ME3: variants seen among roughly 807,000 people sequenced by gnomAD.
The protein encoded by ME3 is malic enzyme 3.
A neutral mutation model predicts 68.9 loss-of-function variants in ME3; 48 were observed. The observed-to-expected ratio is 0.70, with a 90% CI of 0.55 to 0.89. The LOEUF (loss-of-function observed/expected upper bound fraction) is 0.89. Among genes scored for constraint, ME3 ranks in the 40% least tolerant of loss-of-function variants. The probability of loss-of-function intolerance (pLI) is 0.00; values close to 1 mark genes in which losing one functional copy is unlikely to be tolerated. For missense variants in ME3, 675 were observed against 797.4 expected (o/e 0.85, Z 1.85); for synonymous variants, 320 against 318.8 (o/e 1.00, Z -0.04).
chr11:86,606,087 C>G (rs959443129), intron 2 of ME3, among the ~76,000 whole-genome samples: 3 of 152,136 alleles, frequency 2.0e-5, no homozygotes, highest in Non-Finnish European at 4.4e-5. Context: ...ACCCCTCCTC[C>G]CTCCCCAAAG....
At chr11:86,661,251 G>T (rs1350826195) in intron 2 of ME3, among the ~76,000 whole-genome samples, 1 of 152,244 alleles carries the variant, frequency 6.6e-6, no homozygotes, top group Non-Finnish European at 1.5e-5. Context: ...TGTAGAGGAT[G>T]AATGAATTAC....
At chr11:86,612,733 A>G (rs879300452) in intron 2 of ME3, among the ~76,000 whole-genome samples, 2 of 152,080 alleles carry the variant, frequency 1.3e-5, no homozygotes, top group Admixed American at 6.5e-5. Flanking sequence ...GTCTGTTCAT[A>G]TCCTTTGCCC....
At chr11:86,511,450 AGT>A (rs1303856785) in intron 4 of ME3, among the ~76,000 whole-genome samples, 1 of 152,176 alleles carries the variant, frequency 6.6e-6, no homozygotes, top group East Asian at 1.9e-4. Context: ...AGATTATGAC[AGT>A]GAGAGAAATC....
chr11:86,626,446 G>A (rs573281368), intron 2 of ME3, among the ~76,000 whole-genome samples: 3 of 152,244 alleles, frequency 2.0e-5, no homozygotes, highest in East Asian at 1.9e-4. Context: ...ATTGCACCCC[G>A]TCTCATAGAC....
chr11:86,631,801 C>T (rs1049764027), intron 2 of ME3, among the ~76,000 whole-genome samples: 28 of 152,142 alleles, frequency 1.8e-4, no homozygotes, highest in African/African-American at 6.8e-4. Context: ...GGCACAATTT[C>T]AACTCACTGC....
intron 4 of ME3, among the ~76,000 whole-genome samples, chr11:86,545,304 G>A (rs1956297281): frequency 6.6e-6 from 1 of 152,164 alleles, no homozygotes; most frequent in Non-Finnish European, 1.5e-5. Flanking sequence ...ACATAGTGTT[G>A]GAAGTTCTGG....
At chr11:86,591,042 A>G (rs1385631508) in intron 2 of ME3, among the ~76,000 whole-genome samples, 1 of 152,190 alleles carries the variant, frequency 6.6e-6, no homozygotes, top group African/African-American at 2.4e-5. Flanking sequence ...AAGACATGCA[A>G]GCCTGGATGT....
At chr11:86,575,639 C>T (rs936725724) in intron 2 of ME3, among the ~76,000 whole-genome samples, 1 of 117,860 alleles carries the variant, frequency 8.5e-6, no homozygotes, top group African/African-American at 4.0e-5. Context: ...TGACGTGCTC[C>T]CCCCCAGGTT....
intron 2 of ME3, among the ~76,000 whole-genome samples, chr11:86,593,593 A>T (rs995810069): frequency 6.8e-6 from 1 of 146,614 alleles, no homozygotes; most frequent in Non-Finnish European, 1.5e-5. Context: ...CAAGTTTGAA[A>T]GTAATATTAC....
intron 8 of ME3, among the ~76,000 whole-genome samples, 168 bp downstream of exon 8, chr11:86,464,923 G>C (rs1950401514): frequency 6.6e-6 from 1 of 152,232 alleles, no homozygotes; most frequent in Non-Finnish European, 1.5e-5. Flanking sequence ...AGAGAATTAA[G>C]AATTAGCCAA....
chr11:86,606,037 G>T (rs1306085327), intron 2 of ME3, among the ~76,000 whole-genome samples: 1 of 152,126 alleles, frequency 6.6e-6, no homozygotes, highest in Non-Finnish European at 1.5e-5. Flanking sequence ...TTCTAGTGAA[G>T]TATCTGGGAG....
intron 4 of ME3, among the ~76,000 whole-genome samples, chr11:86,511,809 T>C (rs778326635): frequency 6.6e-6 from 1 of 152,146 alleles, no homozygotes; most frequent in Non-Finnish European, 1.5e-5. Flanking sequence ...AACATCACTA[T>C]TGTAGGACCT....
In ME3 at chr11:86,462,247, G is replaced by A. The variant is rs545957677; in HGVS notation, c.919+2844C>T. 1.2e-4 allele frequency among the ~76,000 whole-genome samples: 19 copies of A among 152,126 alleles called. No individual in the cohort carries two copies. The East Asian group carries it at 2.7e-3, about 22-fold the overall frequency. On this transcript the variant is annotated intron_variant, in intron 8 of 14. Transcript: ENST00000543262. ...ATTTTGGAGGTTTGTAACAATTTGC[G>A]AACACTCACAGATGAACTGTGTAGC...
At chr11:86,614,733 A>C (rs1370671084) in intron 2 of ME3, among the ~76,000 whole-genome samples, 1 of 152,104 alleles carries the variant, frequency 6.6e-6, no homozygotes, top group Non-Finnish European at 1.5e-5. Context: ...TTGATTTGCC[A>C]AACACTTCCC....
At chr11:86,672,101 G>C (rs1946992152) in intron 1 of ME3, 143 bp from the exon 2 acceptor site, 2 of 686,286 alleles carry the variant, frequency 2.9e-6, no homozygotes, top group Non-Finnish European at 4.2e-6. Context: ...TCCAGCCCCC[G>C]CCACTCCTCG....
At chr11:86,460,021 T>C (rs1040737799) in intron 8 of ME3, among the ~76,000 whole-genome samples, 1 of 152,248 alleles carries the variant, frequency 6.6e-6, no homozygotes, top group Non-Finnish European at 1.5e-5. Flanking sequence ...GCCCCTTGTG[T>C]GGCTCTCCTT....
At chr11:86,502,651 G>A (rs1055557282) in intron 5 of ME3, among the ~76,000 whole-genome samples, 1 of 152,172 alleles carries the variant, frequency 6.6e-6, no homozygotes, top group African/African-American at 2.4e-5. Context: ...GGGCAAACCT[G>A]GGCAGCATCC....
chr11:86,538,704 C>T (rs1054927828), intron 4 of ME3, among the ~76,000 whole-genome samples: 7 of 152,170 alleles, frequency 4.6e-5, no homozygotes, highest in Admixed American at 2.6e-4. Flanking sequence ...CCTGTGGGCT[C>T]TCCTCTTTAG....
chr11:86,447,855 CAAAAAA>C (rs35352939), intron 11 of ME3, among the ~76,000 whole-genome samples: 31,613 of 120,726 alleles, frequency 0.26, 4,079 homozygotes, highest in Non-Finnish European at 0.3. Context: ...TAAACTCTGT[CAAAAAA>C]AAAAAAAAAA....
Sources: allele counts gnomAD v4.1 joint callset (sites outside exome capture counted in the v4.1 genomes callset), GRCh38; gene constraint gnomAD v4.1.1; transcripts MANE v1.5; gene names NCBI Gene and HGNC (gene_info 2026-07-23, HGNC 2026-07-21).